The following CA10 variants were observed in gnomAD, a reference collection of about 807,000 sequenced individuals.
CA10 encodes carbonic anhydrase-related protein 10.
Under a neutral mutation model 44.2 loss-of-function variants are expected in CA10, and 14 were observed. That is an observed-to-expected ratio of 0.32 (90% CI 0.21 to 0.50). The LOEUF (loss-of-function observed/expected upper bound fraction) is 0.50. Among genes scored for constraint, CA10 ranks in the 20% least tolerant of loss-of-function variants. CA10 has a pLI of 0.99. For missense variants in CA10, 350 were observed against 409.7 expected, an observed-to-expected ratio of 0.85 and a Z score of 1.26; for synonymous variants, 159 against 141.6, an observed-to-expected ratio of 1.12 and a Z score of -0.87.
chr17:52,028,372 T>C (rs1449113766), intron 2 of CA10, among the ~76,000 whole-genome samples: 2 of 152,212 alleles, frequency 1.3e-5, no homozygotes, highest in Non-Finnish European at 2.9e-5. Context: ...CAAGGATCTA[T>C]ACATATAGCT....
At chr17:51,934,485 T>A (rs1445803542) in intron 2 of CA10, among the ~76,000 whole-genome samples, 2 of 152,166 alleles carry the variant, frequency 1.3e-5, no homozygotes, top group Non-Finnish European at 2.9e-5. Context: ...AAATCAAGAA[T>A]AACATTAGTG....
chr17:51,636,156 G>A, intron 6 of CA10, 147 bp from the exon 7 acceptor site: 1 of 445,580 alleles, frequency 2.2e-6, no homozygotes, highest in Non-Finnish European at 3.8e-6. Context: ...TGGAATTCCA[G>A]AAGACTCTAT....
intron 3 of CA10, among the ~76,000 whole-genome samples, chr17:51,796,566 A>T (rs1340864438): frequency 1.3e-5 from 2 of 152,222 alleles, no homozygotes; most frequent in African/African-American, 4.8e-5. Context: ...AGGTAATTTG[A>T]GTAAAACTCA....
intron 1 of CA10, among the ~76,000 whole-genome samples, chr17:52,149,969 GA>G (rs1316442777): frequency 3.3e-5 from 5 of 152,124 alleles, no homozygotes; most frequent in African/African-American, 1.2e-4. Flanking sequence ...GATTTTTACT[GA>G]CATTATTATA....
chr17:51,970,061 G>A (rs1268041197), intron 2 of CA10, among the ~76,000 whole-genome samples: 4 of 151,882 alleles, frequency 2.6e-5, no homozygotes, highest in African/African-American at 9.7e-5. Context: ...AAGATGGAAC[G>A]CACACCTCAG....
At chr17:52,071,659 C>G (rs1407670447) in intron 2 of CA10, among the ~76,000 whole-genome samples, 6 of 152,114 alleles carry the variant, frequency 3.9e-5, no homozygotes, top group Admixed American at 3.9e-4. Context: ...ATGTCACCTG[C>G]CTTCCCTTCT....
intron 1 of CA10, among the ~76,000 whole-genome samples, chr17:52,098,349 G>C (rs1214010354): frequency 1.3e-5 from 2 of 152,200 alleles, no homozygotes; most frequent in East Asian, 3.9e-4. Context: ...CTGGGCTGGG[G>C]CCTGAGATTC....
At chr17:51,910,010 A>G (rs1012823016) in intron 3 of CA10, among the ~76,000 whole-genome samples, 1 of 152,074 alleles carries the variant, frequency 6.6e-6, no homozygotes, top group African/African-American at 2.4e-5. Context: ...TGCTTAATCT[A>G]TCTGCTCCTC....
chr17:52,049,509 T>C (rs1598186515), intron 2 of CA10, among the ~76,000 whole-genome samples: 1 of 152,278 alleles, frequency 6.6e-6, no homozygotes. Context: ...CTCACTATGT[T>C]CACATAGTCC....
At chr17:52,121,423 T>A (rs919391766) in intron 1 of CA10, among the ~76,000 whole-genome samples, 1 of 152,166 alleles carries the variant, frequency 6.6e-6, no homozygotes, top group African/African-American at 2.4e-5. Context: ...AAAAAAGACT[T>A]CTGCTTAGCA....
chr17:51,763,899 C>T (rs940632842), intron 3 of CA10, among the ~76,000 whole-genome samples: 2 of 152,022 alleles, frequency 1.3e-5, no homozygotes, highest in Non-Finnish European at 2.9e-5. Flanking sequence ...TTCTATCCCT[C>T]ATCTTATTCT....
At chr17:51,715,595 C>T (rs994614825) in intron 4 of CA10, among the ~76,000 whole-genome samples, 4 of 152,070 alleles carry the variant, frequency 2.6e-5, no homozygotes, top group African/African-American at 4.8e-5. Flanking sequence ...TACACTCTTT[C>T]GGTTATTTTA....
intron 2 of CA10, among the ~76,000 whole-genome samples, chr17:52,014,049 G>C (rs1350901786): frequency 6.6e-6 from 1 of 151,798 alleles, no homozygotes; most frequent in African/African-American, 2.4e-5. Context: ...GTGGAAGTAT[G>C]ACCAAATATA....
At chr17:51,675,628 A>G (rs1914601292) in intron 4 of CA10, among the ~76,000 whole-genome samples, 1 of 151,680 alleles carries the variant, frequency 6.6e-6, no homozygotes. Flanking sequence ...AGGCAGGAGA[A>G]TTGCTTGAAC....
chr17:51,936,050 A>C (rs1440085746), intron 2 of CA10, among the ~76,000 whole-genome samples: 4 of 152,186 alleles, frequency 2.6e-5, no homozygotes, highest in Non-Finnish European at 4.4e-5. Flanking sequence ...GAATAAGTTT[A>C]TACAGCTTAT....
At chr17:51,842,557 C>T (rs1403200189) in intron 3 of CA10, among the ~76,000 whole-genome samples, 5 of 152,082 alleles carry the variant, frequency 3.3e-5, no homozygotes, top group Non-Finnish European at 5.9e-5. Context: ...TTACATCATG[C>T]GCAGTTTTGA....
intron 3 of CA10, among the ~76,000 whole-genome samples, chr17:51,813,966 C>T (rs1229494242): frequency 6.6e-6 from 1 of 152,202 alleles, no homozygotes; most frequent in Non-Finnish European, 1.5e-5. Context: ...TGCCTTGTTT[C>T]CTGCTACAGT....
intron 1 of CA10, among the ~76,000 whole-genome samples, chr17:52,094,878 A>G (rs1943663605): frequency 6.6e-6 from 1 of 152,212 alleles, no homozygotes; most frequent in Non-Finnish European, 1.5e-5. Context: ...AAATTAGTAT[A>G]GCCACTTTGA....
At chr17:51,856,291 T>C (rs1023553521) in intron 3 of CA10, among the ~76,000 whole-genome samples, 2 of 152,102 alleles carry the variant, frequency 1.3e-5, no homozygotes, top group Non-Finnish European at 1.5e-5. Context: ...TCATAGTTTG[T>C]TTCCCGATGT....
Sources: allele counts gnomAD v4.1 joint callset (sites outside exome capture counted in the v4.1 genomes callset), GRCh38; gene constraint gnomAD v4.1.1; transcripts MANE v1.5; gene names NCBI Gene and HGNC (gene_info 2026-07-23, HGNC 2026-07-21).